The following NKAIN2 variants were observed in gnomAD, a reference collection of about 807,000 sequenced individuals.
NKAIN2 encodes the protein sodium/potassium transporting ATPase interacting 2, also known as sodium/potassium-transporting ATPase subunit beta-1-interacting protein 2.
A neutral mutation model predicts 32.6 loss-of-function variants in NKAIN2; 14 were observed. The observed-to-expected ratio is 0.43, with a 90% confidence interval of 0.28 to 0.67. NKAIN2 has a LOEUF of 0.67. Among genes scored for constraint, NKAIN2 ranks in the 30% least tolerant of loss-of-function variants. The pLI is 0.17. For missense variants in NKAIN2, 198 were observed against 258.3 expected, an observed-to-expected ratio of 0.77 and a Z score of 1.60; for synonymous variants, 80 against 87.2, an observed-to-expected ratio of 0.92 and a Z score of 0.46.
intron 1 of NKAIN2, among the ~76,000 whole-genome samples, chr6:124,007,404 TGTACA>T (rs1780122137): frequency 6.6e-6 from 1 of 152,188 alleles, no homozygotes; most frequent in African/African-American, 2.4e-5. Context: ...CCAATGAGTG[TGTACA>T]GTGAAAGCAA....
rs138949332 is a variant in NKAIN2 at position 124,387,077 on chromosome 6, T to C, written c.273+31730T>C. 1.4e-3 allele frequency among the ~76,000 whole-genome samples: 211 copies of C among 152,266 alleles called. 1 individual carries two copies. The highest frequency in any genetic ancestry group is 4.9e-3 in the African/African-American group (204 of 41,566). On this transcript the variant is annotated intron_variant, in intron 3 of 6. Transcript: ENST00000368417. ...GTGAGTTTATTTTGGCTCAACAACT[T>C]TGAAATCCATGCATAGTGTTTTGAA...
intron 2 of NKAIN2, among the ~76,000 whole-genome samples, chr6:124,347,689 C>A (rs1391111672): frequency 6.6e-6 from 1 of 152,204 alleles, no homozygotes. Flanking sequence ...GCTCCATCAG[C>A]TCCTTTAAGC....
At chr6:124,182,520 G>A (rs1487244627) in intron 1 of NKAIN2, among the ~76,000 whole-genome samples, 2 of 152,072 alleles carry the variant, frequency 1.3e-5, no homozygotes, top group South Asian at 2.1e-4. Flanking sequence ...CACTAATTTG[G>A]TGTGTTGGAT....
At position 124,435,352 on chromosome 6, in the gene NKAIN2, T is replaced by A. The variant is rs140255932; in HGVS notation, c.273+80005T>A. On this transcript the variant is annotated intron_variant, in intron 3 of 6. Transcript: ENST00000368417. Reference sequence around the variant, plus strand: ...GGCCCCAGGAAGTCAGATACACTCATAAGTTTCCATAAAAAACAAGAAAGG... The same window carrying A: ...GGCCCCAGGAAGTCAGATACACTCAAAAGTTTCCATAAAAAACAAGAAAGG... Among the ~76,000 whole-genome samples, 842 of 152,248 alleles carry A rather than the reference T, an allele frequency of 5.5e-3. 6 individuals carry two copies. Among genetic ancestry groups the A allele is most frequent in the African/African-American group, 0.019 (807 of 41,550 alleles).
At chr6:124,545,426 G>A (rs117943393) in intron 3 of NKAIN2, among the ~76,000 whole-genome samples, 2 of 152,146 alleles carry the variant, frequency 1.3e-5, no homozygotes, top group African/African-American at 2.4e-5. Flanking sequence ...TGGCAAGGTA[G>A]CATCAAAAAC....
chr6:124,452,240 G>A (rs1374986154), intron 3 of NKAIN2, among the ~76,000 whole-genome samples: 2 of 150,036 alleles, frequency 1.3e-5, no homozygotes, highest in Non-Finnish European at 3.0e-5. Flanking sequence ...TTTTATATAT[G>A]TGAAATTATA....
chr6:123,811,267 G>A lies in NKAIN2; in HGVS notation c.54+7013G>A, dbSNP rs182096258. Among the ~76,000 whole-genome samples the A allele has an allele frequency of 3.4e-3, 516 of 152,182 alleles. 3 individuals carry two copies. Among genetic ancestry groups the A allele is most frequent in the Admixed American group, 6.7e-3 (103 of 15,282 alleles). The stretch of plus-strand genomic sequence containing the variant: ...AGGAGAAATGCAAGGTCTTTCCAGC[G>A]CGTTTGTGTCTTTGTAATGTATTGA... On this transcript the variant is annotated intron_variant, in intron 1 of 6. Coordinates refer to ENST00000368417, the MANE Select transcript of NKAIN2 (RefSeq NM_001040214.3).
chr6:123,972,516 G>T (rs911853145), intron 1 of NKAIN2, among the ~76,000 whole-genome samples: 15 of 152,202 alleles, frequency 9.9e-5, no homozygotes, highest in Non-Finnish European at 2.1e-4. Flanking sequence ...ACTTATTCCA[G>T]TGTCTGAAAC....
intron 1 of NKAIN2, among the ~76,000 whole-genome samples, chr6:123,927,463 T>C (rs1487857751): frequency 6.6e-6 from 1 of 152,176 alleles, no homozygotes; most frequent in African/African-American, 2.4e-5. Flanking sequence ...ATTCTGGCAT[T>C]AGAGATAACC....
chr6:123,915,419 C>T (rs1480247485), intron 1 of NKAIN2, among the ~76,000 whole-genome samples: 1 of 152,132 alleles, frequency 6.6e-6, no homozygotes, highest in East Asian at 1.9e-4. Flanking sequence ...CACCCAACTC[C>T]CTTTCTTGTC....
intron 1 of NKAIN2, among the ~76,000 whole-genome samples, chr6:124,168,881 T>G (rs112075403): frequency 1.3e-4 from 20 of 152,250 alleles, no homozygotes; most frequent in African/African-American, 4.3e-4. Flanking sequence ...CAGGTTACAG[T>G]GTCAAACAGA....
At chr6:123,949,925 T>C (rs1777246159) in intron 1 of NKAIN2, among the ~76,000 whole-genome samples, 1 of 151,972 alleles carries the variant, frequency 6.6e-6, no homozygotes, top group South Asian at 2.1e-4. Context: ...ATATGTTAGC[T>C]GTGGGTTGTC....
chr6:124,272,083 A>T (rs148131407), intron 1 of NKAIN2, among the ~76,000 whole-genome samples: 337 of 152,318 alleles, frequency 2.2e-3, no homozygotes, highest in African/African-American at 7.7e-3. Flanking sequence ...AAAAATTTGC[A>T]GCCTGATAAT....
chr6:123,937,046 C>T (rs573695734), intron 1 of NKAIN2, among the ~76,000 whole-genome samples: 12 of 152,006 alleles, frequency 7.9e-5, no homozygotes, highest in African/African-American at 1.7e-4. Context: ...TCAAAAATAG[C>T]GGCCAGCTCC....
At chr6:124,066,150 GAGACCC>G (rs1453390018) in intron 1 of NKAIN2, among the ~76,000 whole-genome samples, 2 of 152,174 alleles carry the variant, frequency 1.3e-5, no homozygotes, top group Non-Finnish European at 2.9e-5. Flanking sequence ...GAGACCTGGA[GAGACCC>G]AGATATATAA....
chr6:124,751,526 T>C (rs147214513), intron 4 of NKAIN2, among the ~76,000 whole-genome samples: 1 of 151,846 alleles, frequency 6.6e-6, no homozygotes, highest in Non-Finnish European at 1.5e-5. Context: ...CCTTGAAAAA[T>C]AGGGTAGTTA....
At chr6:124,389,000 G>T (rs994532642) in intron 3 of NKAIN2, among the ~76,000 whole-genome samples, 19 of 152,078 alleles carry the variant, frequency 1.2e-4, no homozygotes, top group Admixed American at 3.3e-4. Context: ...TGATAGTGCT[G>T]TTGGCTATTA....
chr6:124,250,156 G>A (rs1793628813), intron 1 of NKAIN2, among the ~76,000 whole-genome samples: 1 of 152,022 alleles, frequency 6.6e-6, no homozygotes, highest in Non-Finnish European at 1.5e-5. Flanking sequence ...CTTGAAGATG[G>A]CCATTTATAA....
chr6:124,095,498 T>A (rs1784612845), intron 1 of NKAIN2, among the ~76,000 whole-genome samples: 1 of 152,160 alleles, frequency 6.6e-6, no homozygotes, highest in Non-Finnish European at 1.5e-5. Context: ...CTTTCAAAAG[T>A]GTCTGTGTAG....
Sources: allele counts gnomAD v4.1 joint callset (sites outside exome capture counted in the v4.1 genomes callset), GRCh38; gene constraint gnomAD v4.1.1; transcripts MANE v1.5; gene names NCBI Gene and HGNC (gene_info 2026-07-23, HGNC 2026-07-21).